Variants in EZH2 observed in about 807,000 individuals in gnomAD.
EZH2 encodes histone-lysine N-methyltransferase EZH2.
A neutral mutation model predicts 98.4 loss-of-function variants in EZH2; 18 were observed. That is an observed-to-expected ratio of 0.18 (90% CI 0.13 to 0.27). EZH2 has a LOEUF of 0.27. Among genes scored for constraint, EZH2 ranks in the 10% least tolerant of loss-of-function variants. The pLI, the probability that EZH2 is intolerant of heterozygous loss-of-function variation, is 1.00. For synonymous variants in EZH2, 338 were observed against 312.3 expected (o/e 1.08, Z -0.87); for missense variants, 470 against 935.1 (o/e 0.50, Z 6.49).
At chr7:148,816,603 C>G (rs1804617558) in intron 12 of EZH2, 81 bp downstream of exon 12, 2 of 1,019,026 alleles carry the variant, frequency 2.0e-6, no homozygotes, top group Non-Finnish European at 3.1e-6. Context: ...TAAGTAGAAA[C>G]CAACAACAGC....
At chr7:148,815,570 A>G (rs1313759590) in intron 12 of EZH2, 24 bp from the exon 13 acceptor site, 1 of 1,612,250 alleles carries the variant, frequency 6.2e-7, no homozygotes, top group Admixed American at 1.7e-5. Flanking sequence ...AAGAAAATTA[A>G]ACCAAATTTC....
At chr7:148,828,507 C>A (rs1808399558) in intron 6 of EZH2, among the ~76,000 whole-genome samples, 1 of 152,082 alleles carries the variant, frequency 6.6e-6, no homozygotes, top group African/African-American at 2.4e-5. Flanking sequence ...CCAGGTTGGT[C>A]TTGAACTCCT....
At chr7:148,831,120 T>C (rs201404520) in intron 4 of EZH2, among the ~76,000 whole-genome samples, 2 of 152,062 alleles carry the variant, frequency 1.3e-5, no homozygotes, top group Admixed American at 6.5e-5. Context: ...ACAGGACTAG[T>C]AGCAGCCAGG....
intron 1 of EZH2, among the ~76,000 whole-genome samples, chr7:148,881,972 G>GCACACACACA (rs3059438): frequency 7.6e-6 from 1 of 131,780 alleles, no homozygotes; most frequent in Non-Finnish European, 1.6e-5. Flanking sequence ...ACACGCGCGC[G>GCACACACACA]CACACACACA....
At chr7:148,872,300 G>C (rs776481783) in intron 1 of EZH2, among the ~76,000 whole-genome samples, 1 of 152,184 alleles carries the variant, frequency 6.6e-6, no homozygotes, top group African/African-American at 2.4e-5. Context: ...CATGGAAACA[G>C]AAAGTAGAAA....
intron 19 of EZH2, 152 bp downstream of exon 19, chr7:148,808,919 A>C: frequency 1.6e-6 from 1 of 618,962 alleles, no homozygotes; most frequent in East Asian, 2.7e-5. Flanking sequence ...TAATAAATAC[A>C]TAACAGGAAA....
chr7:148,831,002 T>C (rs1371528956), intron 4 of EZH2, among the ~76,000 whole-genome samples: 1 of 152,186 alleles, frequency 6.6e-6, no homozygotes, highest in Non-Finnish European at 1.5e-5. Flanking sequence ...GGACTGGCTA[T>C]GCCTGACTGG....
At chr7:148,813,712 C>T (rs1803808109) in intron 15 of EZH2, among the ~76,000 whole-genome samples, 1 of 151,670 alleles carries the variant, frequency 6.6e-6, no homozygotes, top group African/African-American at 2.4e-5. Context: ...AATCTGATAC[C>T]ATGAATGGCT....
chr7:148,867,005 T>C (rs1023429568), intron 1 of EZH2, among the ~76,000 whole-genome samples: 4 of 148,296 alleles, frequency 2.7e-5, no homozygotes, highest in South Asian at 2.3e-4. Context: ...TGAGCCACTG[T>C]GCCTGGCCAA....
intron 1 of EZH2, among the ~76,000 whole-genome samples, chr7:148,859,819 G>A (rs896157143): frequency 1.3e-5 from 2 of 152,076 alleles, no homozygotes; most frequent in Non-Finnish European, 2.9e-5. Context: ...TATCCGCAAC[G>A]CCTCAGTGAT....
chr7:148,864,559 T>C (rs1818157187), intron 1 of EZH2, among the ~76,000 whole-genome samples: 1 of 151,740 alleles, frequency 6.6e-6, no homozygotes, highest in African/African-American at 2.4e-5. Context: ...CATGTGCCTA[T>C]AGTCCAAGAT....
In EZH2 at chr7:148,826,110, A is replaced by C. The variant is rs532162077; in HGVS notation, c.907+344T>G. 2.6e-5 allele frequency among the ~76,000 whole-genome samples: 4 copies of C among 152,312 alleles called. No homozygotes were observed. The East Asian group carries it at 7.7e-4, about 29-fold the overall frequency. On this transcript the variant is annotated intron_variant, in intron 8 of 19. Coordinates refer to ENST00000320356, the MANE Select transcript of EZH2 (RefSeq NM_004456.5). ...ATTTTTTTGGCCAATTTCTTATTTA[A>C]CACAATTTATTCATCAATATCAGCA...
At chr7:148,827,360 C>A in intron 6 of EZH2, 94 bp from the exon 7 acceptor site, 1 of 860,284 alleles carries the variant, frequency 1.2e-6, no homozygotes, top group Non-Finnish European at 1.8e-6. Context: ...TATAACAAAG[C>A]TGATTTTCTA....
chr7:148,815,208 T>A (rs1303559421), intron 13 of EZH2, among the ~76,000 whole-genome samples, 169 bp from the exon 14 acceptor site: 1 of 152,032 alleles, frequency 6.6e-6, no homozygotes, highest in Admixed American at 6.6e-5. Context: ...TGGCAAAAAA[T>A]ACTCTCCCAC....
At position 148,826,449 on chromosome 7, in the gene EZH2, C is replaced by T. The variant is rs368128494; in HGVS notation, c.907+5G>A. 3.3e-4 allele frequency: 519 copies of T among 1,549,448 alleles called. No individual in the cohort carries two copies. The highest frequency in any genetic ancestry group is 4.1e-4 in the Non-Finnish European group (466 of 1,143,688). On this transcript the variant is annotated splice_donor_5th_base_variant and intron_variant, in intron 8 of 19. Transcript: ENST00000320356. ...CCACAACAAAGATAGAAAATGAAAA[C>T]GTACAATAATTGCACTTACGATGTA...
intron 1 of EZH2, among the ~76,000 whole-genome samples, chr7:148,868,384 C>G (rs564157982): frequency 5.9e-5 from 9 of 152,190 alleles, no homozygotes; most frequent in Non-Finnish European, 1.0e-4. Context: ...GCACATTATA[C>G]GTGGCTGATG....
chr7:148,879,090 T>C (rs1331435721), intron 1 of EZH2, among the ~76,000 whole-genome samples: 2 of 149,968 alleles, frequency 1.3e-5, no homozygotes, highest in Non-Finnish European at 1.5e-5. Flanking sequence ...CCAGGTGTGG[T>C]GGTGCGTTCC....
In EZH2 at chr7:148,852,921, C is replaced by G. The variant is rs58705896; in HGVS notation, c.-7-5616G>C. On this transcript the variant is annotated intron_variant, in intron 1 of 19. Coordinates refer to ENST00000320356, the MANE Select transcript of EZH2 (RefSeq NM_004456.5). ...AGGACCCCCAACAGATACCAAAATC[C>G]ACGAAGACTCAAGTCCCTGATATAA... Among the ~76,000 whole-genome samples, 1,279 of 152,240 alleles carry G rather than the reference C, an allele frequency of 8.4e-3. 28 individuals are homozygous for G. Among genetic ancestry groups the G allele is most frequent in the African/African-American group, 0.029 (1,224 of 41,506 alleles).
intron 1 of EZH2, among the ~76,000 whole-genome samples, chr7:148,867,025 T>G (rs1364308280): frequency 6.7e-6 from 1 of 150,244 alleles, no homozygotes; most frequent in African/African-American, 2.4e-5. Context: ...ACTTCTATTC[T>G]TTATAAATTA....
Sources: gnomAD v4.1 joint callset for allele counts (sites outside exome capture counted in the v4.1 genomes callset) on GRCh38, gnomAD v4.1.1 for gene constraint, MANE v1.5 for transcripts, NCBI Gene and HGNC (gene_info 2026-07-23, HGNC 2026-07-21) for gene names.